Variants in NRXN3 observed in about 807,000 individuals in gnomAD.
The protein encoded by NRXN3 is neurexin III.
In NRXN3, 32 loss-of-function variants were observed where a neutral mutation model predicts 137.6. The observed-to-expected ratio is 0.23, with a 90% CI of 0.18 to 0.31. NRXN3 has a LOEUF of 0.31. Ranked by LOEUF, NRXN3 falls within the 10% of genes least tolerant of loss-of-function variation. The pLI is 1.00. For synonymous variants in NRXN3, 798 were observed against 784.5 expected, an observed-to-expected ratio of 1.02 and a Z score of -0.29; for missense variants, 1,574 against 2,062.5, an observed-to-expected ratio of 0.76 and a Z score of 4.59.
Position 78,415,247 on chromosome 14 carries a change from A to C in NRXN3, c.757+117387A>C, listed in dbSNP as rs1351161177. 1.3e-5 allele frequency among the ~76,000 whole-genome samples: 2 copies of C among 152,180 alleles called. 1 individual carries two copies. The highest frequency in any genetic ancestry group is 4.8e-5 in the African/African-American group (2 of 41,456). On this transcript the variant is annotated intron_variant, in intron 4 of 20. Coordinates refer to ENST00000335750, the MANE Select transcript of NRXN3 (RefSeq NM_001330195.2). ...TGGATGAGATGACAGCATGTATACA[A>C]AATGCCTATCATGTAAAAAGCACTT... is the stretch of plus-strand genomic sequence containing the variant.
At chr14:79,771,179 C>T (rs77366076) in intron 19 of NRXN3, among the ~76,000 whole-genome samples, 6 of 152,184 alleles carry the variant, frequency 3.9e-5, no homozygotes, top group South Asian at 4.1e-4. Flanking sequence ...GATTCACAGC[C>T]GAATTCTACC....
intron 15 of NRXN3, among the ~76,000 whole-genome samples, chr14:79,149,771 C>A (rs1221109776): frequency 6.6e-6 from 1 of 152,050 alleles, no homozygotes; most frequent in East Asian, 1.9e-4. Flanking sequence ...AAACCAAATA[C>A]CACATGTTCT....
chr14:79,384,319 G>C (rs570288819), intron 15 of NRXN3, among the ~76,000 whole-genome samples: 36 of 152,180 alleles, frequency 2.4e-4, no homozygotes, highest in African/African-American at 7.7e-4. Context: ...CATGGTTTTG[G>C]TACAGTCAGT....
intron 10 of NRXN3, among the ~76,000 whole-genome samples, chr14:78,855,640 C>A (rs947566166): frequency 3.9e-5 from 6 of 152,104 alleles, no homozygotes; most frequent in African/African-American, 1.4e-4. Flanking sequence ...ATTCTAAGAA[C>A]CCAGAGGCAA....
At chr14:79,696,684 G>A (rs1370981586) in intron 18 of NRXN3, among the ~76,000 whole-genome samples, 1 of 151,848 alleles carries the variant, frequency 6.6e-6, no homozygotes. Context: ...ATACTGGTAT[G>A]TTTTTTCATT....
At chr14:78,313,295 T>C (rs1459979758) in intron 4 of NRXN3, among the ~76,000 whole-genome samples, 1 of 152,232 alleles carries the variant, frequency 6.6e-6, no homozygotes, top group Non-Finnish European at 1.5e-5. Context: ...GTCTGTTTAG[T>C]GGACAGAGAC....
At chr14:79,778,008 C>G (rs1169331416) in intron 19 of NRXN3, among the ~76,000 whole-genome samples, 3 of 152,144 alleles carry the variant, frequency 2.0e-5, no homozygotes, top group Non-Finnish European at 4.4e-5. Context: ...TGTAACTTCT[C>G]TATAAACCTC....
At chr14:78,492,857 C>G (rs755126680) in intron 4 of NRXN3, among the ~76,000 whole-genome samples, 50 of 152,170 alleles carry the variant, frequency 3.3e-4, no homozygotes, top group Non-Finnish European at 5.7e-4. Context: ...AGAATATCAT[C>G]TTGCTATGTG....
At chr14:79,191,757 G>A (rs1471644018) in intron 15 of NRXN3, among the ~76,000 whole-genome samples, 8 of 152,134 alleles carry the variant, frequency 5.3e-5, no homozygotes, top group South Asian at 2.1e-4. Flanking sequence ...TATACAGCAG[G>A]TGATTAAAAT....
chr14:78,370,280 G>A (rs1377993625), intron 4 of NRXN3, among the ~76,000 whole-genome samples: 1 of 149,012 alleles, frequency 6.7e-6, no homozygotes, highest in Non-Finnish European at 1.5e-5. Context: ...CCATGCACCA[G>A]CCACACAGAA....
At chr14:78,836,852 G>T (rs1418494685) in intron 10 of NRXN3, among the ~76,000 whole-genome samples, 2 of 152,138 alleles carry the variant, frequency 1.3e-5, no homozygotes, top group African/African-American at 4.8e-5. Context: ...GAAGACATGG[G>T]CTGATGTTCT....
chr14:78,467,052 C>T (rs1489801110), intron 4 of NRXN3, among the ~76,000 whole-genome samples: 1 of 152,122 alleles, frequency 6.6e-6, no homozygotes, highest in Non-Finnish European at 1.5e-5. Flanking sequence ...TTGAGTTGTT[C>T]TGCCTTTCCA....
At chr14:78,615,090 G>C in intron 4 of NRXN3, 1 of 456,616 alleles carries the variant, frequency 2.2e-6, no homozygotes, top group Non-Finnish European at 4.4e-6. Context: ...CTTACAAGTT[G>C]AGGTTTTGAA....
intron 16 of NRXN3, among the ~76,000 whole-genome samples, chr14:79,616,776 C>T (rs369565956): frequency 1.3e-5 from 2 of 152,172 alleles, no homozygotes; most frequent in South Asian, 4.1e-4. Context: ...ATTCATAGAC[C>T]TGAATATCAG....
At chr14:79,328,576 C>T (rs1307371607) in intron 15 of NRXN3, among the ~76,000 whole-genome samples, 2 of 152,180 alleles carry the variant, frequency 1.3e-5, no homozygotes, top group Admixed American at 1.3e-4. Context: ...TGGTTTCTCT[C>T]TCTAAACTTG....
intron 4 of NRXN3, among the ~76,000 whole-genome samples, chr14:78,596,220 T>G (rs1176249890): frequency 6.6e-6 from 1 of 152,218 alleles, no homozygotes; most frequent in Non-Finnish European, 1.5e-5. Flanking sequence ...AGGACTAAAG[T>G]CATAATGGAA....
intron 15 of NRXN3, among the ~76,000 whole-genome samples, chr14:79,375,934 G>A (rs1310790376): frequency 6.6e-6 from 1 of 151,060 alleles, no homozygotes. Flanking sequence ...GAGCATGGTT[G>A]AAAGAATAAA....
chr14:79,361,459 G>A (rs1225272017), intron 15 of NRXN3, among the ~76,000 whole-genome samples: 3 of 152,304 alleles, frequency 2.0e-5, no homozygotes, highest in African/African-American at 4.8e-5. Flanking sequence ...GCTCATGCCT[G>A]TAATTCCAGC....
chr14:79,554,922 C>T (rs780419397), intron 16 of NRXN3, among the ~76,000 whole-genome samples: 3 of 152,100 alleles, frequency 2.0e-5, no homozygotes, highest in Non-Finnish European at 2.9e-5. Context: ...TCAGGGAGTT[C>T]ATTTGATGTA....
Sources: gnomAD v4.1 joint callset for allele counts (sites outside exome capture counted in the v4.1 genomes callset) on GRCh38, gnomAD v4.1.1 for gene constraint, MANE v1.5 for transcripts, NCBI Gene and HGNC (gene_info 2026-07-23, HGNC 2026-07-21) for gene names.